NR5A1: variants seen among roughly 807,000 people sequenced by gnomAD.
The protein encoded by NR5A1 is nuclear receptor subfamily 5 group A member 1.
NR5A1 carries 6 observed loss-of-function variants against 42.7 expected under a neutral mutation model. The ratio of observed to expected loss-of-function variants is 0.14; its 90% CI spans 0.08 to 0.28. The LOEUF (loss-of-function observed/expected upper bound fraction) is 0.28, where lower values mean the gene tolerates loss of function less well. Among genes scored for constraint, NR5A1 ranks in the 10% least tolerant of loss-of-function variants. NR5A1 has a pLI of 1.00. For missense variants in NR5A1, 442 were observed against 626.4 expected (o/e 0.71, Z 3.14); for synonymous variants, 274 against 277.5 (o/e 0.99, Z 0.12).
intron 5 of NR5A1, 83 bp downstream of exon 5, chr9:124,492,947 T>G: frequency 2.8e-6 from 4 of 1,439,520 alleles, no homozygotes; most frequent in Non-Finnish European, 3.7e-6. Context: ...GAGGCCTGGG[T>G]CCTCCTCTCC....
chr9:124,502,954 C>T, intron 3 of NR5A1, 125 bp downstream of exon 3: 1 of 1,309,406 alleles, frequency 7.6e-7, no homozygotes, highest in South Asian at 1.5e-5. Context: ...GCGACTGGGC[C>T]CTAATGTCGC....
chr9:124,482,842 C>A lies in NR5A1; in HGVS notation c.1302G>T (p.Lys434Asn). The A allele has an allele frequency of 6.2e-7, 1 of 1,613,844 alleles. No homozygotes were observed. The highest frequency in any genetic ancestry group is 8.5e-7 in the Non-Finnish European group (1 of 1,179,934). Residue 434 changes from lysine to asparagine, a missense_variant, in exon 7 of 7, where the codon AAG becomes AAT. Transcript: ENST00000373588. ...VEVRALSMQA[K>N]EYLYHKHLGN... ...CCAGGTGCTTGTGGTACAGGTACTC[C>A]TTGGCCTGCATGCTCAGGGCCCGCA...
chr9:124,486,204 C>A (rs1424508189), intron 6 of NR5A1, among the ~76,000 whole-genome samples: 3 of 152,164 alleles, frequency 2.0e-5, no homozygotes, highest in Non-Finnish European at 4.4e-5. Flanking sequence ...AAACCCCCGA[C>A]TGCCCCCAGA....
Position 124,500,428 on chromosome 9 carries a change from C to T in NR5A1, c.532G>A (p.Gly178Arg), listed in dbSNP as rs543895681. The change falls in exon 4 of 7, where the codon GGG (glycine) becomes AGG (arginine). Residue 178 changes from glycine (G) to arginine (R), a missense_variant. Around this residue, in one of 3 missense-constraint regions of NR5A1, gnomAD observed 208 missense variants for 203.8 expected, o/e 1.02. Coordinates refer to ENST00000373588, the MANE Select transcript of NR5A1 (RefSeq NM_004959.5). The surrounding 1 kb of genome is among the most constrained non-coding windows in gnomAD (Gnocchi z 6.9). The part of the protein sequence containing the change: ...ALPMAVPGAH[G>R]PLAGYLYPAF... The stretch of plus-strand genomic sequence containing the variant: ...GGGTAGAGGTAGCCAGCCAGTGGCC[C>T]GTGGGCACCGGGCACGGCCATGGGC... 1.7e-5 allele frequency: 27 copies of T among 1,571,982 alleles called. No individual in the cohort carries two copies. Among genetic ancestry groups the T allele is most frequent in the African/African-American group, 4.0e-5 (3 of 74,230 alleles).
rs555259144 is a variant in NR5A1, at chr9:124,481,352, G to C, written c.*1406C>G. ...TTGGCAGGGGCACATGTTTCAGGGG[G>C]CGGGGAGGGGAGGTACTGAGACAGG... On this transcript the variant is annotated 3_prime_UTR_variant, in exon 7 of 7. Coordinates refer to ENST00000373588, the MANE Select transcript of NR5A1 (RefSeq NM_004959.5). The C allele has an allele frequency of 6.6e-6, 1 of 150,430 alleles. No homozygotes were observed. Among genetic ancestry groups the C allele is most frequent in the Admixed American group, 6.6e-5 (1 of 15,254 alleles). The allele number at this position is 150,430 out of a possible 1,614,324, so 9.3% of individuals were successfully genotyped here. A position where few individuals can be genotyped will look rare whatever the true frequency, so the allele number is the denominator to read the frequency against.
At position 124,503,676 on chromosome 9, in the gene NR5A1, G is replaced by A. The variant is rs966781834; in HGVS notation, c.-15-266C>T. On this transcript the variant is annotated intron_variant, in intron 1 of 6. Coordinates refer to ENST00000373588, the MANE Select transcript of NR5A1 (RefSeq NM_004959.5). This position sits in a 1 kb window ranked among gnomAD's most constrained non-coding sequence, Gnocchi z 9.6. ...CGCGGACCCCGTCGCGCCCGATCTG[G>A]GGCCCTCGGGTTCGATGCGCTTCGA... Among the ~76,000 whole-genome samples, 8 of 152,220 alleles carry A rather than the reference G, an allele frequency of 5.3e-5. No individual in the cohort carries two copies. The highest frequency in any genetic ancestry group is 3.3e-4 in the Admixed American group (5 of 15,290).
intron 6 of NR5A1, among the ~76,000 whole-genome samples, chr9:124,483,287 C>A (rs1832159166): frequency 6.6e-6 from 1 of 152,234 alleles, no homozygotes; most frequent in Non-Finnish European, 1.5e-5. Context: ...ACCACAGTCA[C>A]CTGTCACCAT....
chr9:124,504,738 C>T (rs1488848681), intron 1 of NR5A1, among the ~76,000 whole-genome samples: 4 of 146,672 alleles, frequency 2.7e-5, no homozygotes, highest in South Asian at 4.1e-4. Context: ...CCGCACCTCT[C>T]GGCCGCGCCG....
chr9:124,501,822 T>C lies in NR5A1; in HGVS notation c.245-1107A>G. Reference sequence around the variant, plus strand: ...ACTCTCAGAGCCACCTGGGGCTTTCTACACTGTTCCAAGACCTTAATCAAC... The same window carrying C: ...ACTCTCAGAGCCACCTGGGGCTTTCCACACTGTTCCAAGACCTTAATCAAC... On this transcript the variant is annotated intron_variant, in intron 3 of 6. Coordinates refer to ENST00000373588, the MANE Select transcript of NR5A1 (RefSeq NM_004959.5). The surrounding 1 kb of genome is among the most constrained non-coding windows in gnomAD (Gnocchi z 4.1). Among the ~76,000 whole-genome samples the C allele has an allele frequency of 6.6e-6, 1 of 152,206 alleles. No individual in the cohort carries two copies. Among genetic ancestry groups the C allele is most frequent in the East Asian group, 1.9e-4 (1 of 5,192 alleles).
Position 124,496,666 on chromosome 9 carries a change from G to A in NR5A1, c.870+3424C>T, listed in dbSNP as rs537983121. ...CACGGGCTGGCCACTGCGCTCTGCC[G>A]GCAGAGTGGTCAGTGAGGTGTCATT... On this transcript the variant is annotated intron_variant, in intron 4 of 6. Coordinates refer to ENST00000373588, the MANE Select transcript of NR5A1 (RefSeq NM_004959.5). The surrounding 1 kb of genome is among the most constrained non-coding windows in gnomAD (Gnocchi z 5.0). Among the ~76,000 whole-genome samples, 10 of 152,306 alleles carry A rather than the reference G, an allele frequency of 6.6e-5. No individual in the cohort carries two copies. In the East Asian group the frequency reaches 1.7e-3, roughly 26 times the overall value.
intron 4 of NR5A1, among the ~76,000 whole-genome samples, chr9:124,497,332 C>T (rs141825961): frequency 4.7e-4 from 72 of 152,324 alleles, no homozygotes; most frequent in Admixed American, 3.5e-3. Context: ...AGAGCTGGAA[C>T]TTGACAACAG....
chr9:124,491,364 C>G (rs1006482578), intron 5 of NR5A1, 136 bp from the exon 6 acceptor site: 41 of 685,134 alleles, frequency 6.0e-5, no homozygotes, highest in Middle Eastern at 4.1e-4. Context: ...GAGGGCCCAG[C>G]CTTGGTGCCG....
In NR5A1 at chr9:124,503,327, G is replaced by A; in HGVS notation, c.69C>T (p.Tyr23=). 7 of 1,611,822 alleles carry A rather than the reference G, an allele frequency of 4.3e-6. No homozygotes were observed. The highest frequency in any genetic ancestry group is 5.9e-6 in the Non-Finnish European group (7 of 1,179,546). ...TCTCACACGTGAGCAGTCCGTAGTG[G>A]TAGCCGGACACCTTGTCCCCGCACA... ...CPVCGDKVSG[Y]HYGLLTCESC... The change falls in exon 2 of 7, where the codon TAC becomes TAT. Residue 23 remains tyrosine (Y), a synonymous_variant. Transcript: ENST00000373588. The surrounding 1 kb of genome is among the most constrained non-coding windows in gnomAD (Gnocchi z 9.6).
intron 6 of NR5A1, among the ~76,000 whole-genome samples, chr9:124,483,461 G>A (rs551152552): frequency 2.6e-4 from 40 of 152,326 alleles, no homozygotes; most frequent in African/African-American, 9.1e-4. Context: ...CTTGTCCTGA[G>A]AATTTAGGGA....
Position 124,503,585 on chromosome 9 carries a change from A to G in NR5A1, c.-15-175T>C, listed in dbSNP as rs1588623621. Among the ~76,000 whole-genome samples, 1 of 151,626 alleles carries G rather than the reference A, an allele frequency of 6.6e-6. No homozygotes were observed. Among genetic ancestry groups the G allele is most frequent in the East Asian group, 1.9e-4 (1 of 5,154 alleles). On this transcript the variant is annotated intron_variant, in intron 1 of 6. Transcript: ENST00000373588. The surrounding 1 kb of genome is among the most constrained non-coding windows in gnomAD (Gnocchi z 9.6). ...CAGCGTCCCGGGGTGGGTCCGGTGC[A>G]GTCCCCGCGCCCGGCCTTCCCCTGC...
intron 6 of NR5A1, 45 bp downstream of exon 6, chr9:124,491,036 C>CCCCCCGGGGGGGG: frequency 3.6e-6 from 5 of 1,401,592 alleles, no homozygotes; most frequent in Non-Finnish European, 3.9e-6. Context: ...CCCACCCACC[C>CCCCCCGGGGGGGG]GCCTCTGGCT....
Position 124,482,719 on chromosome 9 carries a change from AG to A in NR5A1, c.*38del. The A allele has an allele frequency of 1.0e-5, 1 of 95,374 alleles. No individual in the cohort carries two copies. 5.9% of individuals were successfully genotyped at this position (95,374 alleles called of 1,614,324 possible). ...GCGGCCCCGCCCAGGCCCCGCCCCC[AG>A]TCCCGCCCCCAGTCCCGGCCCCGCC... On this transcript the variant is annotated 3_prime_UTR_variant, in exon 7 of 7. Coordinates refer to ENST00000373588, the MANE Select transcript of NR5A1 (RefSeq NM_004959.5).
chr9:124,495,211 T>A (rs551796549), intron 4 of NR5A1, among the ~76,000 whole-genome samples: 1 of 152,246 alleles, frequency 6.6e-6, no homozygotes, highest in East Asian at 1.9e-4. Context: ...CAGCCCTGAC[T>A]GGGAGGGTCC....
At chr9:124,499,649 C>T (rs558587486) in intron 4 of NR5A1, among the ~76,000 whole-genome samples, 1 of 152,110 alleles carries the variant, frequency 6.6e-6, no homozygotes, top group South Asian at 2.1e-4. Flanking sequence ...TAGGCTGAAG[C>T]CTGGGGAGGC....
Sources: allele counts gnomAD v4.1 joint callset (sites outside exome capture counted in the v4.1 genomes callset), GRCh38; gene constraint gnomAD v4.1.1; regional missense constraint gnomAD v4.1.1; non-coding constraint Gnocchi (gnomAD v3.1); transcripts MANE v1.5; gene names NCBI Gene and HGNC (gene_info 2026-07-23, HGNC 2026-07-21).